NKTR: variants seen among roughly 807,000 people sequenced by gnomAD.
The protein encoded by NKTR is natural killer cell triggering receptor, also known as NK-tumor recognition protein.
NKTR carries 67 observed loss-of-function variants against 156.3 expected under a neutral mutation model. The ratio of observed to expected loss-of-function variants is 0.43; its 90% CI spans 0.35 to 0.53. The LOEUF (loss-of-function observed/expected upper bound fraction) is 0.53, where lower values mean the gene tolerates loss of function less well. Ranked by LOEUF, NKTR falls within the 20% of genes least tolerant of loss-of-function variation. The pLI, the probability that NKTR is intolerant of heterozygous loss-of-function variation, is 0.01. For synonymous variants in NKTR, 640 were observed against 596.6 expected (o/e 1.07, Z -1.06); for missense variants, 1,604 against 1,730.9 (o/e 0.93, Z 1.30).
In NKTR at chr3:42,639,007, T is replaced by G. The variant is rs1301065907; in HGVS notation, c.3303T>G (p.Asn1101Lys). The change falls in exon 13 of 17, where the codon AAT (asparagine) becomes AAG (lysine). Residue 1101 changes from asparagine to lysine, a missense_variant. This residue lies in a region of NKTR where 1,255 missense variants were observed against 1,243.7 expected (regional missense o/e 1.01). Transcript: ENST00000232978. ...ISPTALNTEE[N>K]VACLQNIQHV... ...CCACAGCTTTAAATACTGAGGAAAA[T>G]GTGGCCTGTTTACAAAACATTCAGC... 1.2e-6 allele frequency: 2 copies of G among 1,613,660 alleles called. No homozygotes were observed. The highest frequency in any genetic ancestry group is 2.7e-5 in the African/African-American group (2 of 74,980).
chr3:42,636,391 G>T (rs540994416), intron 12 of NKTR, among the ~76,000 whole-genome samples: 2 of 152,102 alleles, frequency 1.3e-5, no homozygotes, highest in Non-Finnish European at 2.9e-5. Context: ...ACAGTCTTAG[G>T]GGAAATCTGG....
intron 2 of NKTR, among the ~76,000 whole-genome samples, chr3:42,612,742 G>T (rs564623483): frequency 6.6e-6 from 1 of 152,076 alleles, no homozygotes; most frequent in Non-Finnish European, 1.5e-5. Context: ...ACTGTGCTCA[G>T]TTGTCTCCAG....
rs1470585999 is a variant in NKTR, at chr3:42,648,042, G to A, written c.*2067G>A. 6.6e-6 allele frequency: 1 copy of A among 152,142 alleles called. No individual in the cohort carries two copies. Among genetic ancestry groups the A allele is most frequent in the African/African-American group, 2.4e-5 (1 of 41,432 alleles). 9.4% of individuals were successfully genotyped at this position (152,142 alleles called of 1,614,324 possible). ...TCAGTTCTTTGCTGGCTCTCAGCTG[G>A]AGGCCCCTCTCTCACCTCAAGGCTG... On this transcript the variant is annotated 3_prime_UTR_variant, in exon 17 of 17. Coordinates refer to ENST00000232978, the MANE Select transcript of NKTR (RefSeq NM_005385.4).
At chr3:42,640,927 C>G (rs1468397043) in intron 13 of NKTR, among the ~76,000 whole-genome samples, 1 of 152,230 alleles carries the variant, frequency 6.6e-6, no homozygotes, top group South Asian at 2.1e-4. Flanking sequence ...TGCTTATGAT[C>G]TGCCTTAACC....
At chr3:42,630,038 CT>C (rs1297361728) in intron 6 of NKTR, 17 of 985,414 alleles carry the variant, frequency 1.7e-5, no homozygotes, top group Non-Finnish European at 1.9e-5. Flanking sequence ...CTCCTGAGAC[CT>C]ACCTCTGCCT....
intron 6 of NKTR, chr3:42,628,023 G>C (rs1209154000): frequency 1.0e-6 from 1 of 985,122 alleles, no homozygotes; most frequent in African/African-American, 1.7e-5. Flanking sequence ...AATGTCCTCT[G>C]TTCATCCACG....
chr3:42,637,490 G>A lies in NKTR; in HGVS notation c.1786G>A (p.Val596Ile). 6.2e-7 allele frequency: 1 copy of A among 1,613,928 alleles called. No homozygotes were observed. The highest frequency in any genetic ancestry group is 2.2e-5 in the East Asian group (1 of 44,886). The change falls in exon 13 of 17, where the codon GTA becomes ATA. Residue 596 changes from valine (V) to isoleucine (I), a missense_variant. By Grantham distance (29) the Val-to-Ile change is conservative. Coordinates refer to ENST00000232978, the MANE Select transcript of NKTR (RefSeq NM_005385.4). The stretch of plus-strand genomic sequence containing the variant: ...AACCATGGCACAAAATGAAAATGTA[G>A]TAGTACAACCAGTTGTAGCAGAAAA... Reference protein sequence around the residue: ...RATMAQNENVVVQPVVAENIP... With the variant: ...RATMAQNENVIVQPVVAENIP...
intron 2 of NKTR, among the ~76,000 whole-genome samples, chr3:42,603,354 T>C: frequency 7.3e-6 from 1 of 137,528 alleles, no homozygotes; most frequent in Non-Finnish European, 1.5e-5. Flanking sequence ...AGCAAGATCT[T>C]GTTTCTAAAA....
chr3:42,604,916 C>T (rs1466529700), intron 2 of NKTR, among the ~76,000 whole-genome samples: 1 of 151,810 alleles, frequency 6.6e-6, no homozygotes, highest in Non-Finnish European at 1.5e-5. Context: ...TCTTGAACTC[C>T]TGGGCCCAAG....
Position 42,645,933 on chromosome 3 carries a change from C to T in NKTR, c.4347C>T (p.Tyr1449=), listed in dbSNP as rs751631489. The change falls in exon 17 of 17, where the codon TAC becomes TAT. Residue 1449 remains tyrosine, a synonymous_variant. Coordinates refer to ENST00000232978, the MANE Select transcript of NKTR (RefSeq NM_005385.4). ...YGSDSESDRS[Y]SHHRSPSESS... ...CTGACAGTGAAAGTGACCGAAGTTACTCTCATCACCGGAGCCCCAGTGAGA... is the reference window on the plus strand; with the variant it reads ...CTGACAGTGAAAGTGACCGAAGTTATTCTCATCACCGGAGCCCCAGTGAGA... 2.5e-6 allele frequency: 4 copies of T among 1,613,576 alleles called. No individual in the cohort carries two copies. The African/African-American group carries it at 4.0e-5, about 16-fold the overall frequency.
At chr3:42,630,742 G>A (rs1708818508) in intron 7 of NKTR, 167 bp downstream of exon 7, 1 of 1,418,554 alleles carries the variant, frequency 7.0e-7, no homozygotes, top group Non-Finnish European at 9.2e-7. Flanking sequence ...GAGACCCCAT[G>A]GCTCTCATGT....
Position 42,638,925 on chromosome 3 carries a change from CTG to C in NKTR, c.3223_3224del (p.Val1075PhefsTer5). On this transcript the variant is annotated frameshift_variant, in exon 13 of 17. Transcript: ENST00000232978. LOFTEE classifies it high-confidence loss of function. The stretch of plus-strand genomic sequence containing the variant: ...CTTTCAGGTAAACATGATACAGTGA[CTG>C]TTTCATCAGATCTTGATCAGTTTAC... The C allele has an allele frequency of 6.2e-7, 1 of 1,612,608 alleles. No homozygotes were observed. The highest frequency in any genetic ancestry group is 8.5e-7 in the Non-Finnish European group (1 of 1,178,720).
intron 6 of NKTR, chr3:42,627,842 T>C (rs1322532188): frequency 8.1e-6 from 8 of 985,272 alleles, no homozygotes; most frequent in Non-Finnish European, 8.4e-6. Flanking sequence ...TGTGTCACCA[T>C]TGCACAGCTC....
At chr3:42,635,914 A>G (rs1317948629) in intron 12 of NKTR, among the ~76,000 whole-genome samples, 1 of 152,184 alleles carries the variant, frequency 6.6e-6, no homozygotes, top group African/African-American at 2.4e-5. Context: ...TCTCAAAAAA[A>G]AAAAAAAATA....
intron 12 of NKTR, among the ~76,000 whole-genome samples, chr3:42,636,415 G>A (rs1709420112): frequency 6.6e-6 from 1 of 152,270 alleles, no homozygotes; most frequent in Admixed American, 6.5e-5. Context: ...ACCTGTCTGA[G>A]GTGGAGAAAA....
chr3:42,620,326 G>T, intron 5 of NKTR: 3 of 1,160,150 alleles, frequency 2.6e-6, no homozygotes, highest in Non-Finnish European at 3.2e-6. Flanking sequence ...TCAAAGGTTT[G>T]TATGTTTTCT....
chr3:42,603,732 C>CT (rs11315714), intron 2 of NKTR, among the ~76,000 whole-genome samples: 1,682 of 116,644 alleles, frequency 0.014, 22 homozygotes, highest in African/African-American at 0.024. Context: ...TTTTACACAA[C>CT]TTTTTTTTTT....
rs539768056 is a variant in NKTR, at chr3:42,635,462, T to C, written c.1163+96T>C. On this transcript the variant is annotated intron_variant, in intron 12 of 16. Transcript: ENST00000232978. ...TCTGGACTTTTCATTAAAGATTCAG[T>C]GAAAGATTCACAGTCAGACTGTGAC... 5.2e-4 allele frequency: 509 copies of C among 977,658 alleles called. 1 individual carries two copies. The highest frequency in any genetic ancestry group is 7.1e-4 in the Non-Finnish European group (478 of 674,992). The allele number at this position is 977,658 out of a possible 1,614,324, so 60.6% of individuals were successfully genotyped here. A position where few individuals can be genotyped will look rare whatever the true frequency, so the allele number is the denominator to read the frequency against.
At chr3:42,633,811 C>A in intron 10 of NKTR, 76 bp downstream of exon 10, 2 of 1,468,200 alleles carry the variant, frequency 1.4e-6, no homozygotes, top group South Asian at 1.2e-5. Context: ...ATTCCACACT[C>A]ATGTATGGAA....
Sources: allele counts gnomAD v4.1 joint callset (sites outside exome capture counted in the v4.1 genomes callset), GRCh38; gene constraint gnomAD v4.1.1; regional missense constraint gnomAD v4.1.1; transcripts MANE v1.5; gene names NCBI Gene and HGNC (gene_info 2026-07-23, HGNC 2026-07-21).